The following RGSL1 variants were observed in gnomAD, a reference collection of about 807,000 sequenced individuals.
The protein encoded by RGSL1 is regulator of G protein signaling protein-like.
Under a neutral mutation model 124.7 loss-of-function variants are expected in RGSL1, and 97 were observed. The ratio of observed to expected loss-of-function variants is 0.78; its 90% CI spans 0.66 to 0.92. The LOEUF (loss-of-function observed/expected upper bound fraction) is 0.92, where lower values mean the gene tolerates loss of function less well. Ranked by LOEUF, RGSL1 falls within the 40% of genes least tolerant of loss-of-function variation. RGSL1 has a pLI of 0.00. For missense variants in RGSL1, 1,233 were observed against 1,288.4 expected, an observed-to-expected ratio of 0.96 and a Z score of 0.66; for synonymous variants, 424 against 438.1, an observed-to-expected ratio of 0.97 and a Z score of 0.40.
intron 9 of RGSL1, among the ~76,000 whole-genome samples, chr1:182,510,099 C>CCTACATG (rs1558342199): frequency 3.6e-5 from 1 of 27,906 alleles, no homozygotes; most frequent in Admixed American, 3.0e-4. Flanking sequence ...GGCAGAGACG[C>CCTACATG]TCCTCACTTC....
chr1:182,532,731 C>A lies in RGSL1; in HGVS notation c.2434C>A (p.Pro812Thr). 6.4e-7 allele frequency: 1 copy of A among 1,550,882 alleles called. No individual in the cohort carries two copies. Among genetic ancestry groups the A allele is most frequent in the Middle Eastern group, 1.7e-4 (1 of 5,982 alleles). The stretch of plus-strand genomic sequence containing the variant: ...CAAGTACCGCAGATTTATGTTGAAT[C>A]CTAGTAAGCGCCAGGAATTTGAAGA... ...FCKYRRFMLN[P>T]SKRQEFEDYL... The change falls in exon 14 of 22, where the codon CCT becomes ACT. Residue 812 changes from proline (P) to threonine (T), a missense_variant. Physicochemically the swap from Pro to Thr is conservative, Grantham distance 38. Transcript: ENST00000294854.
chr1:182,477,979 A>G (rs1190496285), intron 6 of RGSL1, among the ~76,000 whole-genome samples: 3 of 152,262 alleles, frequency 2.0e-5, no homozygotes, highest in Non-Finnish European at 4.4e-5. Context: ...ATCTGACCCT[A>G]AAGAAATGGA....
At chr1:182,508,776 C>T (rs1657059894) in intron 9 of RGSL1, among the ~76,000 whole-genome samples, 3 of 131,262 alleles carry the variant, frequency 2.3e-5, no homozygotes, top group South Asian at 2.7e-4. Flanking sequence ...GGAGGGAAGG[C>T]CAGCAGATAA....
intron 4 of RGSL1, among the ~76,000 whole-genome samples, chr1:182,461,238 A>T (rs1314009995): frequency 6.6e-6 from 1 of 152,062 alleles, no homozygotes; most frequent in Non-Finnish European, 1.5e-5. Flanking sequence ...GCTTAAAGAA[A>T]GTTGCAGGCT....
chr1:182,458,047 C>T (rs933659911), intron 2 of RGSL1, among the ~76,000 whole-genome samples: 1 of 152,200 alleles, frequency 6.6e-6, no homozygotes, highest in Non-Finnish European at 1.5e-5. Context: ...AAGCAAATAG[C>T]TCTCAGGTCG....
chr1:182,515,773 G>GTGCAGCTCGTACGTGC (rs1657843914), intron 9 of RGSL1, among the ~76,000 whole-genome samples: 1 of 152,178 alleles, frequency 6.6e-6, no homozygotes, highest in Non-Finnish European at 1.5e-5. Flanking sequence ...TGGCCATTGG[G>GTGCAGCTCGTACGTGC]TGCAGCTCGT....
At chr1:182,492,500 A>G (rs1430844186) in intron 8 of RGSL1, among the ~76,000 whole-genome samples, 2 of 152,196 alleles carry the variant, frequency 1.3e-5, no homozygotes, top group African/African-American at 4.8e-5. Context: ...AGTTTTCCCT[A>G]AGAAGGAGAG....
chr1:182,501,817 G>C (rs1250265205), intron 9 of RGSL1, among the ~76,000 whole-genome samples: 1 of 152,150 alleles, frequency 6.6e-6, no homozygotes, highest in African/African-American at 2.4e-5. Flanking sequence ...CCGAGTTTAA[G>C]AAGAATTGAT....
upstream of RGSL1, chr1:182,447,887 GC>G (rs1651576823): frequency 6.6e-6 from 1 of 151,312 alleles, no homozygotes; most frequent in Non-Finnish European, 1.5e-5. Context: ...ATGAACAGGA[GC>G]CTAAAATGAG....
At chr1:182,549,748 C>T (rs1018814117) in intron 17 of RGSL1, 1 of 152,154 alleles carries the variant, frequency 6.6e-6, no homozygotes, top group African/African-American at 2.4e-5. Context: ...CAATCTCTCA[C>T]CTTTATTTTA....
In RGSL1 at chr1:182,489,106, G is replaced by A; in HGVS notation, c.1621G>A (p.Glu541Lys). ...AAGCCAGGCTTTGGCTGACATGAAGGAAATGGACTATAGGCAGTGGCGAAA... is the reference window on the plus strand; with the variant it reads ...AAGCCAGGCTTTGGCTGACATGAAGAAAATGGACTATAGGCAGTGGCGAAA... ...ELSQALADMKEMDYRQWRKIA... is the reference protein window; with the variant it reads ...ELSQALADMKKMDYRQWRKIA... Residue 541 changes from glutamate (E) to lysine (K), a missense_variant, in exon 8 of 22, where the codon GAA (glutamate) becomes AAA (lysine). By Grantham distance (56) the Glu-to-Lys change is moderately conservative (BLOSUM62 1). Coordinates refer to ENST00000294854, the MANE Select transcript of RGSL1 (RefSeq NM_001137669.2). 2 of 1,551,674 alleles carry A rather than the reference G, an allele frequency of 1.3e-6. No homozygotes were observed. Among genetic ancestry groups the A allele is most frequent in the South Asian group, 2.4e-5 (2 of 84,052 alleles).
chr1:182,450,103 T>G, upstream of RGSL1: 1 of 1,543,922 alleles, frequency 6.5e-7, no homozygotes, highest in Admixed American at 2.0e-5. Flanking sequence ...ATGGATATAG[T>G]TCTATTGACT....
At chr1:182,540,511 T>C (rs12749557) in intron 15 of RGSL1, 90 bp downstream of exon 15, 638,276 of 1,198,256 alleles carry the variant, frequency 0.53, 172,571 homozygotes, top group South Asian at 0.55. Flanking sequence ...CTGTTAGAGA[T>C]ACAGTGATTT....
chr1:182,523,582 A>T (rs1471433412), intron 10 of RGSL1, among the ~76,000 whole-genome samples: 1 of 152,234 alleles, frequency 6.6e-6, no homozygotes, highest in Non-Finnish European at 1.5e-5. Flanking sequence ...CTGTAAGATC[A>T]TTAAGTCCTA....
chr1:182,548,839 T>G lies in RGSL1; in HGVS notation c.2933+15T>G. 3.2e-6 allele frequency: 5 copies of G among 1,551,170 alleles called. No homozygotes were observed. The highest frequency in any genetic ancestry group is 4.4e-6 in the Non-Finnish European group (5 of 1,146,748). On this transcript the variant is annotated intron_variant, in intron 17 of 21. Transcript: ENST00000294854. Reference sequence around the variant, plus strand: ...TTCTGGAAAAGGTAACTGTTTCTCCTTATTCAGTGACTGTTAGGTCAGGAA... The same window carrying G: ...TTCTGGAAAAGGTAACTGTTTCTCCGTATTCAGTGACTGTTAGGTCAGGAA...
chr1:182,538,483 G>A (rs898282436), intron 14 of RGSL1, among the ~76,000 whole-genome samples: 7 of 151,728 alleles, frequency 4.6e-5, no homozygotes, highest in Admixed American at 2.0e-4. Flanking sequence ...AGCTGAGATC[G>A]TGCCACTGCA....
intron 6 of RGSL1, among the ~76,000 whole-genome samples, chr1:182,487,245 C>T (rs190851014): frequency 1.0e-3 from 154 of 152,216 alleles, no homozygotes; most frequent in African/African-American, 3.5e-3. Context: ...AGGCAGCTGG[C>T]GGAGATAATC....
chr1:182,473,733 T>G lies in RGSL1; in HGVS notation c.622T>G (p.Cys208Gly). The G allele has an allele frequency of 6.4e-7, 1 of 1,551,746 alleles. No homozygotes were observed. Among genetic ancestry groups the G allele is most frequent in the Non-Finnish European group, 8.7e-7 (1 of 1,146,998 alleles). ...TKMTMAKEEACHGLMQEYETR... is the reference protein window; with the variant it reads ...TKMTMAKEEAGHGLMQEYETR... ...GATGACCATGGCCAAGGAGGAAGCA[T>G]GCCATGGTCTGATGCAAGAGTACGA... Residue 208 changes from cysteine to glycine, a missense_variant, in exon 6 of 22, where the codon TGC (cysteine) becomes GGC (glycine). Physicochemically the swap from Cys to Gly is radical, Grantham distance 159. Coordinates refer to ENST00000294854, the MANE Select transcript of RGSL1 (RefSeq NM_001137669.2).
intron 18 of RGSL1, among the ~76,000 whole-genome samples, chr1:182,552,704 G>C (rs953399261): frequency 5.3e-5 from 8 of 152,206 alleles, no homozygotes; most frequent in Non-Finnish European, 1.2e-4. Context: ...TCATGATTCA[G>C]GGGACGGGGA....
Sources: allele counts gnomAD v4.1 joint callset (sites outside exome capture counted in the v4.1 genomes callset), GRCh38; gene constraint gnomAD v4.1.1; transcripts MANE v1.5; gene names NCBI Gene and HGNC (gene_info 2026-07-23, HGNC 2026-07-21).